LOC400499: variants seen among roughly 807,000 people sequenced by gnomAD.
the LOC400499 span, chr16:11,383,657 G>T: frequency 8.1e-7 from 1 of 1,232,274 alleles, no homozygotes; most frequent in Non-Finnish European, 1.0e-6. Flanking sequence ...TGTGGAGGAG[G>T]GGCCAGGGGT....
chr16:11,504,365 G>A, the LOC400499 span, among the ~76,000 whole-genome samples: 2 of 152,120 alleles, frequency 1.3e-5, no homozygotes, highest in African/African-American at 4.8e-5. Flanking sequence ...AGACCAGCAT[G>A]GCCAACATGG....
chr16:11,502,930 T>TTTTTTTC, the LOC400499 span, among the ~76,000 whole-genome samples: 1 of 143,784 alleles, frequency 7.0e-6, no homozygotes, highest in African/African-American at 2.6e-5. Context: ...TTTTTTTTTT[T>TTTTTTTC]TTTTTTTAAG....
At chr16:11,450,640 T>G in the LOC400499 span, 16 of 1,535,962 alleles carry the variant, frequency 1.0e-5, no homozygotes, top group Admixed American at 3.9e-5. Flanking sequence ...GGTGTAAACC[T>G]GGATCTTGCC....
the LOC400499 span, among the ~76,000 whole-genome samples, chr16:11,426,764 A>T: frequency 1.4e-5 from 2 of 147,944 alleles, no homozygotes; most frequent in African/African-American, 5.0e-5. Context: ...CCCCACCTCT[A>T]AAAAAAAAAT....
chr16:11,524,361 G>A, the LOC400499 span, among the ~76,000 whole-genome samples: 2 of 93,728 alleles, frequency 2.1e-5, no homozygotes, highest in East Asian at 3.1e-4. Flanking sequence ...CATCCACCCA[G>A]CCACCCACCC....
chr16:11,435,320 T>C, the LOC400499 span, among the ~76,000 whole-genome samples: 3 of 151,920 alleles, frequency 2.0e-5, no homozygotes, highest in African/African-American at 4.8e-5. Context: ...TGCTATATTG[T>C]GCAAGCTGCT....
chr16:11,519,923 G>A, the LOC400499 span, among the ~76,000 whole-genome samples: 87 of 151,998 alleles, frequency 5.7e-4, no homozygotes, highest in Middle Eastern at 3.4e-3. Flanking sequence ...GGCTGGTCTC[G>A]AACTCCAGAC....
the LOC400499 span, among the ~76,000 whole-genome samples, chr16:11,480,154 G>A: frequency 0.3 from 46,045 of 151,982 alleles, 7,484 homozygotes; most frequent in Admixed American, 0.42. Context: ...CCAACACTGA[G>A]GCCAAGTATC....
the LOC400499 span, among the ~76,000 whole-genome samples, chr16:11,416,641 T>C: frequency 6.6e-6 from 1 of 151,928 alleles, no homozygotes; most frequent in African/African-American, 2.4e-5. Flanking sequence ...TGTGTTCAAA[T>C]GACAGAGCTG....
the LOC400499 span, among the ~76,000 whole-genome samples, chr16:11,511,696 A>G: frequency 6.6e-6 from 1 of 152,222 alleles, no homozygotes; most frequent in South Asian, 2.1e-4. Flanking sequence ...ATGGCTAATG[A>G]GCACAAGGTT....
the LOC400499 span, among the ~76,000 whole-genome samples, chr16:11,409,042 T>C: frequency 2.7e-3 from 414 of 151,860 alleles, 3 homozygotes; most frequent in South Asian, 4.6e-3. Context: ...GGGCAGATCA[T>C]TTGAGGTCAG....
chr16:11,461,052 T>G, the LOC400499 span: 2 of 1,536,120 alleles, frequency 1.3e-6, no homozygotes, highest in Non-Finnish European at 1.7e-6. Flanking sequence ...CCACCAGCCC[T>G]GGCACAAACA....
chr16:11,523,392 G>T, the LOC400499 span: 2 of 398,714 alleles, frequency 5.0e-6, no homozygotes, highest in South Asian at 2.6e-4. Context: ...CCAGAGGTGT[G>T]ATCAGGCGTC....
the LOC400499 span, chr16:11,462,107 C>T: frequency 1.3e-6 from 2 of 1,483,990 alleles, no homozygotes; most frequent in Non-Finnish European, 1.8e-6. Context: ...GAAGGGGTCT[C>T]ATCTCCTACC....
At chr16:11,423,177 A>G in the LOC400499 span, 2 of 399,136 alleles carry the variant, frequency 5.0e-6, no homozygotes, top group Non-Finnish European at 8.8e-6. Flanking sequence ...GAGACCCCAT[A>G]CCTCGAGAGG....
chr16:11,491,254 A>T, the LOC400499 span, among the ~76,000 whole-genome samples: 1 of 152,020 alleles, frequency 6.6e-6, no homozygotes, highest in Non-Finnish European at 1.5e-5. Flanking sequence ...AGTTGAACTT[A>T]TTTTTTTGAA....
chr16:11,375,865 G>A, the LOC400499 span, among the ~76,000 whole-genome samples: 3 of 152,048 alleles, frequency 2.0e-5, no homozygotes, highest in East Asian at 3.9e-4. Context: ...AAGTAGCTGG[G>A]ATTACACGCA....
the LOC400499 span, chr16:11,380,883 C>T: frequency 6.5e-6 from 1 of 154,712 alleles, no homozygotes; most frequent in Non-Finnish European, 1.4e-5. Context: ...CCTGTGGAGC[C>T]ACAGCACCTC....
At chr16:11,433,323 C>T in the LOC400499 span, among the ~76,000 whole-genome samples, 1 of 152,168 alleles carries the variant, frequency 6.6e-6, no homozygotes, top group African/African-American at 2.4e-5. Context: ...GGTGGCAATG[C>T]TGAAGACAAG....
Sources: allele counts gnomAD v4.1 joint callset (sites outside exome capture counted in the v4.1 genomes callset), GRCh38; gene constraint gnomAD v4.1.1; transcripts MANE v1.5.